The following VAV2 variants were observed in gnomAD, a reference collection of about 807,000 sequenced individuals.
VAV2 encodes the protein vav guanine nucleotide exchange factor 2.
A neutral mutation model predicts 132.5 loss-of-function variants in VAV2; 67 were observed. That is an observed-to-expected ratio of 0.51 (90% CI 0.42 to 0.62). The LOEUF (loss-of-function observed/expected upper bound fraction) is 0.62, where lower values mean the gene tolerates loss of function less well. VAV2 is among the 20% of genes least tolerant of loss of function. The pLI is 0.00. For synonymous variants in VAV2, 492 were observed against 443.5 expected (o/e 1.11, Z -1.37); for missense variants, 938 against 1,153.6 (o/e 0.81, Z 2.71).
intron 2 of VAV2, among the ~76,000 whole-genome samples, chr9:133,888,073 A>T (rs1398442318): frequency 1.3e-5 from 2 of 152,218 alleles, no homozygotes; most frequent in Admixed American, 6.5e-5. Context: ...GCTAAGGGAA[A>T]TAAGCCAGTC....
At chr9:133,894,517 C>A (rs1022206642) in intron 2 of VAV2, among the ~76,000 whole-genome samples, 1 of 152,198 alleles carries the variant, frequency 6.6e-6, no homozygotes, top group Non-Finnish European at 1.5e-5. Context: ...CAGAGCTCCC[C>A]GGGTGACCCT....
intron 1 of VAV2, among the ~76,000 whole-genome samples, chr9:133,948,326 T>C (rs1425055486): frequency 2.6e-5 from 4 of 152,264 alleles, no homozygotes; most frequent in African/African-American, 9.6e-5. Flanking sequence ...GTAATGAACC[T>C]GACCCGCCTT....
intron 24 of VAV2, among the ~76,000 whole-genome samples, chr9:133,775,626 T>C (rs941759408): frequency 4.6e-5 from 7 of 152,164 alleles, no homozygotes; most frequent in Non-Finnish European, 1.0e-4. Context: ...GTCAGGACAG[T>C]TGGGACTTCT....
At chr9:133,973,930 T>C (rs1273779591) in intron 1 of VAV2, among the ~76,000 whole-genome samples, 1 of 151,838 alleles carries the variant, frequency 6.6e-6, no homozygotes, top group Non-Finnish European at 1.5e-5. Context: ...AGGAGGAAAA[T>C]GAGGACGTGG....
intron 2 of VAV2, among the ~76,000 whole-genome samples, chr9:133,933,134 T>C (rs1362479914): frequency 1.3e-5 from 2 of 152,274 alleles, no homozygotes; most frequent in African/African-American, 4.8e-5. Context: ...TTAGTGTCCC[T>C]TTAACACGTG....
intron 22 of VAV2, among the ~76,000 whole-genome samples, chr9:133,777,894 TG>T (rs1388460632): frequency 6.6e-6 from 1 of 152,232 alleles, no homozygotes; most frequent in Non-Finnish European, 1.5e-5. Context: ...CATTGTAACC[TG>T]AACATTAACA....
chr9:133,817,681 T>A (rs955735702), intron 4 of VAV2, among the ~76,000 whole-genome samples: 1 of 152,332 alleles, frequency 6.6e-6, no homozygotes, highest in African/African-American at 2.4e-5. Flanking sequence ...GACTTTTCCC[T>A]CTGCCGTGTG....
intron 2 of VAV2, among the ~76,000 whole-genome samples, chr9:133,881,768 T>C (rs1288964628): frequency 1.3e-5 from 2 of 152,248 alleles, no homozygotes; most frequent in Non-Finnish European, 2.9e-5. Flanking sequence ...AATTATTTAA[T>C]GTCCTATCAA....
chr9:133,828,775 G>A (rs575178229), intron 4 of VAV2, among the ~76,000 whole-genome samples: 77 of 152,284 alleles, frequency 5.1e-4, no homozygotes, highest in South Asian at 4.4e-3. Context: ...CTGGACTTGC[G>A]CTGGAACAAC....
At chr9:133,878,156 T>C (rs892279010) in intron 2 of VAV2, among the ~76,000 whole-genome samples, 2 of 152,194 alleles carry the variant, frequency 1.3e-5, no homozygotes, top group Non-Finnish European at 2.9e-5. Flanking sequence ...TCCGCCGGCC[T>C]GCGTCTCACA....
chr9:133,819,274 C>G lies in VAV2; in HGVS notation c.450-7058G>C, dbSNP rs1413097106. 2.7e-5 allele frequency among the ~76,000 whole-genome samples: 4 copies of G among 149,032 alleles called. No homozygotes were observed. The South Asian group carries it at 8.6e-4, about 32-fold the overall frequency. On this transcript the variant is annotated intron_variant, in intron 4 of 29. Transcript: ENST00000371850. ...CCTGGCTAACACAGTGAAACCCCGT[C>G]TCTACTAAAAAATACAAAAAAAAAA...
intron 1 of VAV2, among the ~76,000 whole-genome samples, chr9:133,990,359 G>A (rs911244886): frequency 3.3e-5 from 5 of 152,180 alleles, no homozygotes; most frequent in Admixed American, 1.3e-4. Context: ...GAGACCCCAG[G>A]AAGTCTCTGG....
At chr9:133,941,811 T>C (rs1252535956) in intron 1 of VAV2, among the ~76,000 whole-genome samples, 2 of 151,122 alleles carry the variant, frequency 1.3e-5, no homozygotes, top group Non-Finnish European at 1.5e-5. Context: ...TCCACGTTGG[T>C]CAGGCTGGTC....
chr9:133,773,822 T>C (rs1170782479), intron 25 of VAV2, among the ~76,000 whole-genome samples: 2 of 152,210 alleles, frequency 1.3e-5, no homozygotes, highest in Non-Finnish European at 2.9e-5. Context: ...AACACATTCA[T>C]GTATTACGAT....
chr9:133,853,466 T>A (rs1229648621), intron 3 of VAV2, among the ~76,000 whole-genome samples: 1 of 152,114 alleles, frequency 6.6e-6, no homozygotes, highest in East Asian at 1.9e-4. Context: ...GACGCTTGCT[T>A]GTCCCCTCTC....
intron 1 of VAV2, among the ~76,000 whole-genome samples, chr9:133,964,463 C>T (rs545073188): frequency 1.0e-3 from 158 of 151,956 alleles, no homozygotes; most frequent in South Asian, 2.3e-3. Flanking sequence ...ATTTTGCATG[C>T]GTATGCTTTT....
Position 133,885,285 on chromosome 9 carries a change from G to T in VAV2, c.322-23853C>A, listed in dbSNP as rs143675925. ...CTGTCTACTTGGTCCATGTCCAGCC[G>T]CAGTGGAAGCGCCTGCCCTGCCCAG... On this transcript the variant is annotated intron_variant, in intron 2 of 29. Coordinates refer to ENST00000371850, the MANE Select transcript of VAV2 (RefSeq NM_001134398.2). The surrounding 1 kb of genome is among the most constrained non-coding windows in gnomAD (Gnocchi z 5.0). Among the ~76,000 whole-genome samples the T allele has an allele frequency of 2.0e-5, 3 of 152,336 alleles. No individual in the cohort carries two copies. The South Asian group carries it at 6.2e-4, about 32-fold the overall frequency.
intron 2 of VAV2, among the ~76,000 whole-genome samples, chr9:133,904,142 GGGCTCCAGCCCGTGTCCTGGTGGGCC>G (rs1839549648): frequency 6.6e-6 from 1 of 152,152 alleles, no homozygotes; most frequent in African/African-American, 2.4e-5. Context: ...TGAGCGAATG[GGGCTCCAGCCCGTGTCCTGGTGGGCC>G]GGCTCCAGCC....
chr9:133,835,801 TGGAA>T (rs1263803877), intron 3 of VAV2, among the ~76,000 whole-genome samples: 1 of 152,164 alleles, frequency 6.6e-6, no homozygotes, highest in African/African-American at 2.4e-5. Context: ...ATCTGTGAGC[TGGAA>T]ACCTGGGTCC....
Sources: allele counts gnomAD v4.1 joint callset (sites outside exome capture counted in the v4.1 genomes callset), GRCh38; gene constraint gnomAD v4.1.1; non-coding constraint Gnocchi (gnomAD v3.1); transcripts MANE v1.5; gene names NCBI Gene and HGNC (gene_info 2026-07-23, HGNC 2026-07-21).